SPAG1: variants seen among roughly 807,000 people sequenced by gnomAD.
SPAG1 encodes the protein sperm associated antigen 1.
Under a neutral mutation model 100.5 loss-of-function variants are expected in SPAG1, and 69 were observed. The observed-to-expected ratio is 0.69, with a 90% confidence interval of 0.57 to 0.84. The LOEUF (loss-of-function observed/expected upper bound fraction) is 0.84, where lower values mean the gene tolerates loss of function less well. Among genes scored for constraint, SPAG1 ranks in the 40% least tolerant of loss-of-function variants. SPAG1 has a pLI of 0.00. For missense variants in SPAG1, 955 were observed against 1,133.1 expected, an observed-to-expected ratio of 0.84 and a Z score of 2.26; for synonymous variants, 336 against 411.6, an observed-to-expected ratio of 0.82 and a Z score of 2.22.
intron 13 of SPAG1, among the ~76,000 whole-genome samples, chr8:100,224,135 A>G (rs1818402013): frequency 6.6e-6 from 1 of 152,226 alleles, no homozygotes; most frequent in South Asian, 2.1e-4. Flanking sequence ...AAAATAATGA[A>G]AAAGTGATCA....
intron 4 of SPAG1, 110 bp from the exon 5 acceptor site, chr8:100,183,265 A>T (rs1172062481): frequency 1.8e-6 from 1 of 559,380 alleles, no homozygotes; most frequent in African/African-American, 2.0e-5. Context: ...GAGTCCCCGC[A>T]CCTGGCTTCC....
At chr8:100,163,280 CAT>C (rs535175812) in intron 2 of SPAG1, among the ~76,000 whole-genome samples, 233 of 152,330 alleles carry the variant, frequency 1.5e-3, no homozygotes, top group African/African-American at 5.3e-3. Context: ...GGCCAGGGAA[CAT>C]GTGTTTTTAA....
chr8:100,205,683 C>T (rs1447166728), intron 10 of SPAG1, among the ~76,000 whole-genome samples: 4 of 152,088 alleles, frequency 2.6e-5, no homozygotes, highest in Non-Finnish European at 5.9e-5. Context: ...CCTGGAGGGA[C>T]TGCAGAGATT....
chr8:100,174,580 T>C (rs1417308532), intron 3 of SPAG1, among the ~76,000 whole-genome samples: 1 of 152,238 alleles, frequency 6.6e-6, no homozygotes, highest in East Asian at 1.9e-4. Context: ...CCAATCCTTC[T>C]TCCACCGTTT....
At position 100,240,566 on chromosome 8, in the gene SPAG1, C is replaced by G; in HGVS notation, c.2444C>G (p.Ala815Gly). The G allele has an allele frequency of 6.2e-7, 1 of 1,614,060 alleles. No homozygotes were observed. The highest frequency in any genetic ancestry group is 8.5e-7 in the Non-Finnish European group (1 of 1,179,986). ...NAYEFGQIINALSTRKDKEAC... is the reference protein window; with the variant it reads ...NAYEFGQIINGLSTRKDKEAC... ...TATGAATTTGGTCAGATTATAAATG[C>G]TCTCAGTACCAGGAAGGATAAAGAA... The change falls in exon 18 of 19, where the codon GCT (alanine) becomes GGT (glycine). Residue 815 changes from alanine (A) to glycine (G), a missense_variant. By Grantham distance (60) the Ala-to-Gly change is moderately conservative. Transcript: ENST00000388798.
intron 12 of SPAG1, among the ~76,000 whole-genome samples, chr8:100,217,950 T>C (rs563170356): frequency 1.3e-5 from 2 of 152,126 alleles, no homozygotes; most frequent in East Asian, 3.9e-4. Flanking sequence ...ACCCAGCTAA[T>C]TTTTGTATTT....
At chr8:100,202,353 A>C (rs1563792649) in intron 10 of SPAG1, among the ~76,000 whole-genome samples, 1 of 151,482 alleles carries the variant, frequency 6.6e-6, no homozygotes, top group Non-Finnish European at 1.5e-5. Flanking sequence ...AAAAAAAAAA[A>C]CAAAAAACAA....
At chr8:100,215,531 T>C (rs770412228) in intron 12 of SPAG1, among the ~76,000 whole-genome samples, 33 of 152,314 alleles carry the variant, frequency 2.2e-4, no homozygotes, top group Non-Finnish European at 4.1e-4. Flanking sequence ...TCAGTTTATT[T>C]TGTTTTTTTG....
intron 8 of SPAG1, 139 bp downstream of exon 8, chr8:100,187,389 G>A (rs1816630786): frequency 1.7e-6 from 1 of 600,360 alleles, no homozygotes; most frequent in Non-Finnish European, 2.5e-6. Context: ...ACTTCATAAA[G>A]TTGCTTTTAA....
chr8:100,158,436 C>A (rs1342490156), upstream of SPAG1: 3 of 152,246 alleles, frequency 2.0e-5, no homozygotes, highest in African/African-American at 7.2e-5. Context: ...GTGGGGCTCC[C>A]CAGTCCCGGC....
intron 10 of SPAG1, among the ~76,000 whole-genome samples, chr8:100,205,279 A>G (rs753667674): frequency 6.6e-6 from 1 of 152,110 alleles, no homozygotes; most frequent in African/African-American, 2.4e-5. Context: ...CCCCAAGGAG[A>G]CCTCTGGCCT....
chr8:100,177,955 A>G lies in SPAG1; in HGVS notation c.426+14A>G, dbSNP rs767479950. The G allele has an allele frequency of 6.2e-6, 10 of 1,606,016 alleles. No homozygotes were observed. The African/African-American group carries it at 1.2e-4, about 19-fold the overall frequency. ...CATGTAGGCAAGGTAGGCTTCTTTG[A>G]TATCTTTGTGGGTGGTAGCAGGAGA... On this transcript the variant is annotated intron_variant, in intron 4 of 18. Transcript: ENST00000388798.
At chr8:100,223,343 TG>T (rs559019377) in intron 13 of SPAG1, among the ~76,000 whole-genome samples, 63 of 152,316 alleles carry the variant, frequency 4.1e-4, no homozygotes, top group African/African-American at 1.4e-3. Flanking sequence ...GTATTATATT[TG>T]TTATATGTAC....
chr8:100,219,819 G>A (rs1375612028), intron 12 of SPAG1, among the ~76,000 whole-genome samples: 2 of 152,144 alleles, frequency 1.3e-5, no homozygotes, highest in Non-Finnish European at 2.9e-5. Flanking sequence ...AAGCCCTTTT[G>A]CAGCAAGTGA....
intron 3 of SPAG1, among the ~76,000 whole-genome samples, chr8:100,167,216 T>C (rs1230902751): frequency 6.6e-6 from 1 of 152,176 alleles, no homozygotes; most frequent in Non-Finnish European, 1.5e-5. Flanking sequence ...TGCTGGATAC[T>C]GTAATCATTT....
intron 3 of SPAG1, among the ~76,000 whole-genome samples, chr8:100,168,687 C>CTTTTTTTTTTTTTTTT (rs747506730): frequency 0.036 from 3,387 of 95,008 alleles, 814 homozygotes; most frequent in African/African-American, 0.088. Context: ...GCCCAGCCAT[C>CTTTTTTTTTTTTTTTT]TTTTTTTTTT....
chr8:100,166,493 G>A (rs1815563912), intron 3 of SPAG1, among the ~76,000 whole-genome samples: 1 of 152,130 alleles, frequency 6.6e-6, no homozygotes, highest in South Asian at 2.1e-4. Flanking sequence ...CTGACCTCAG[G>A]TGATCCACCC....
Position 100,213,542 on chromosome 8 carries a change from G to A in SPAG1, c.1435+114G>A, listed in dbSNP as rs1313947624. On this transcript the variant is annotated intron_variant, in intron 11 of 18. Coordinates refer to ENST00000388798, the MANE Select transcript of SPAG1 (RefSeq NM_003114.5). ...CTCCTGAATGACAGGCGCCGGCATCGCTGCATTCCTCCCAGGTGACTAAGA... is the reference window on the plus strand; with the variant it reads ...CTCCTGAATGACAGGCGCCGGCATCACTGCATTCCTCCCAGGTGACTAAGA... 7 of 855,630 alleles carry A rather than the reference G, an allele frequency of 8.2e-6. No individual in the cohort carries two copies. The East Asian group carries it at 1.3e-4, about 16-fold the overall frequency. The allele number at this position is 855,630 out of a possible 1,614,324, so 53.0% of individuals were successfully genotyped here.
rs573494722 is a variant in SPAG1 at position 100,181,841 on chromosome 8, G to A, written c.427-1534G>A. On this transcript the variant is annotated intron_variant, in intron 4 of 18. Coordinates refer to ENST00000388798, the MANE Select transcript of SPAG1 (RefSeq NM_003114.5). ...AAATAAGGTCTCATTCACAGGTACC[G>A]GGGTTAGGACTTCATCATATTGTTT... Among the ~76,000 whole-genome samples the A allele has an allele frequency of 3.3e-5, 5 of 152,278 alleles. No homozygotes were observed. The East Asian group carries it at 7.7e-4, about 23-fold the overall frequency.
Sources: gnomAD v4.1 joint callset for allele counts (sites outside exome capture counted in the v4.1 genomes callset) on GRCh38, gnomAD v4.1.1 for gene constraint, MANE v1.5 for transcripts, NCBI Gene and HGNC (gene_info 2026-07-23, HGNC 2026-07-21) for gene names.